The following MACROD2 variants were observed in gnomAD, a reference collection of about 807,000 sequenced individuals.
MACROD2 encodes the protein ADP-ribose glycohydrolase MACROD2.
MACROD2 carries 36 observed loss-of-function variants against 70.4 expected under a neutral mutation model. That is an observed-to-expected ratio of 0.51 (90% confidence interval 0.39 to 0.68). MACROD2 has a LOEUF of 0.68. Among genes scored for constraint, MACROD2 ranks in the 30% least tolerant of loss-of-function variants. The pLI is 0.00. For synonymous variants in MACROD2, 172 were observed against 178.8 expected (o/e 0.96, Z 0.30); for missense variants, 496 against 538.4 (o/e 0.92, Z 0.78).
intron 8 of MACROD2, among the ~76,000 whole-genome samples, chr20:15,587,019 A>T (rs2048612172): frequency 6.6e-6 from 1 of 152,184 alleles, no homozygotes; most frequent in East Asian, 1.9e-4. Context: ...TAAGAAATAA[A>T]TTCAATATAA....
intron 3 of MACROD2, among the ~76,000 whole-genome samples, chr20:14,223,484 A>C (rs1191920135): frequency 6.7e-6 from 1 of 149,404 alleles, no homozygotes; most frequent in African/African-American, 2.5e-5. Context: ...TGTGTGAAAT[A>C]GGGAAGCAGC....
In MACROD2 at chr20:14,690,892, C is replaced by A. The variant is rs1021519666; in HGVS notation, c.418+5933C>A. On this transcript the variant is annotated intron_variant, in intron 5 of 17. Transcript: ENST00000684519. ...TGGAAAAAGTTTGCCAGCCCCTGGT[C>A]TGTGGCAATCTGCACTTTTATTTTT... Among the ~76,000 whole-genome samples the A allele has an allele frequency of 1.2e-3, 188 of 152,180 alleles. 6 individuals are homozygous for A. Among genetic ancestry groups the A allele is most frequent in the Admixed American group, 0.012 (185 of 15,274 alleles).
intron 8 of MACROD2, among the ~76,000 whole-genome samples, chr20:15,821,556 T>C (rs1202937233): frequency 6.6e-6 from 1 of 152,196 alleles, no homozygotes; most frequent in Non-Finnish European, 1.5e-5. Flanking sequence ...TATACTTGCA[T>C]GTACAGTCAA....
intron 8 of MACROD2, among the ~76,000 whole-genome samples, chr20:15,507,545 GC>G (rs1212191072): frequency 6.9e-6 from 1 of 145,912 alleles, no homozygotes; most frequent in Non-Finnish European, 1.5e-5. Flanking sequence ...CCCCCCACCA[GC>G]CCGCCCCAGC....
chr20:15,972,792 C>A (rs1220960296), intron 13 of MACROD2, among the ~76,000 whole-genome samples: 1 of 151,248 alleles, frequency 6.6e-6, no homozygotes, highest in Non-Finnish European at 1.5e-5. Flanking sequence ...GCACTCCAGC[C>A]TGAGTGACAG....
intron 8 of MACROD2, among the ~76,000 whole-genome samples, chr20:15,695,827 G>C (rs1219125092): frequency 6.6e-6 from 1 of 151,870 alleles, no homozygotes; most frequent in Admixed American, 6.6e-5. Flanking sequence ...TTGAGTTCTT[G>C]ATTTGATTCT....
chr20:14,904,623 T>A (rs2122564892), intron 5 of MACROD2, among the ~76,000 whole-genome samples: 1 of 152,296 alleles, frequency 6.6e-6, no homozygotes, highest in South Asian at 2.1e-4. Flanking sequence ...TGGAATCATC[T>A]GTTTTCAGAT....
Position 15,929,754 on chromosome 20 carries a change from C to A in MACROD2, c.776-3522C>A, listed in dbSNP as rs114876547. 2.6e-5 allele frequency among the ~76,000 whole-genome samples: 4 copies of A among 152,298 alleles called. No homozygotes were observed. In the East Asian group the frequency reaches 7.7e-4, roughly 29 times the overall value. ...TGAGATTTTGCCCTTACAAAACTCT[C>A]CCATGTAGAGTCAAACATGGACTGC... On this transcript the variant is annotated intron_variant, in intron 10 of 17. Coordinates refer to ENST00000684519, the MANE Select transcript of MACROD2 (RefSeq NM_001351661.2).
intron 5 of MACROD2, among the ~76,000 whole-genome samples, chr20:14,705,491 C>A (rs930370307): frequency 8.5e-5 from 13 of 152,116 alleles, no homozygotes; most frequent in Non-Finnish European, 1.8e-4. Context: ...GCCATCTCTT[C>A]TTGGATTTCT....
At chr20:14,262,349 G>A (rs2082107871) in intron 3 of MACROD2, among the ~76,000 whole-genome samples, 1 of 152,196 alleles carries the variant, frequency 6.6e-6, no homozygotes, top group Admixed American at 6.5e-5. Flanking sequence ...GGTTTCTTCT[G>A]ATTTGGGTGT....
intron 3 of MACROD2, among the ~76,000 whole-genome samples, chr20:14,406,605 C>A (rs1034620144): frequency 7.9e-5 from 12 of 152,110 alleles, no homozygotes; most frequent in Non-Finnish European, 1.5e-4. Context: ...AGCTATCTTG[C>A]CCTTATCTTT....
intron 2 of MACROD2, among the ~76,000 whole-genome samples, chr20:14,061,359 G>T (rs2053688647): frequency 6.6e-6 from 1 of 152,076 alleles, no homozygotes; most frequent in Non-Finnish European, 1.5e-5. Flanking sequence ...CAGTATTTTG[G>T]CAGGATAACA....
chr20:14,368,653 G>A (rs534969052), intron 3 of MACROD2, among the ~76,000 whole-genome samples: 10 of 151,922 alleles, frequency 6.6e-5, no homozygotes, highest in Non-Finnish European at 1.5e-4. Context: ...CCTTGCTATA[G>A]CATGTAGCTA....
chr20:15,349,069 G>C (rs973915407), intron 6 of MACROD2, among the ~76,000 whole-genome samples: 4 of 151,964 alleles, frequency 2.6e-5, no homozygotes, highest in Non-Finnish European at 5.9e-5. Flanking sequence ...GAAGCATTAG[G>C]CTCTGGAGAA....
At chr20:15,772,101 A>AATATAT (rs201468504) in intron 8 of MACROD2, among the ~76,000 whole-genome samples, 104 of 91,356 alleles carry the variant, frequency 1.1e-3, no homozygotes, top group South Asian at 2.4e-3. Flanking sequence ...AAAAAAAAAA[A>AATATAT]ATATATATAT....
At chr20:14,013,273 C>CTTTTTTTTTT (rs770856375) in intron 2 of MACROD2, among the ~76,000 whole-genome samples, 1 of 128,720 alleles carries the variant, frequency 7.8e-6, no homozygotes. Flanking sequence ...ACTGTACTTT[C>CTTTTTTTTTT]TTTTTTTTTT....
intron 4 of MACROD2, among the ~76,000 whole-genome samples, chr20:14,540,140 G>C (rs2085413457): frequency 6.6e-6 from 1 of 152,114 alleles, no homozygotes; most frequent in Admixed American, 6.6e-5. Flanking sequence ...TTTATAAAGA[G>C]TCCCAATTTA....
At chr20:14,633,564 A>G (rs1364254928) in intron 4 of MACROD2, among the ~76,000 whole-genome samples, 1 of 148,532 alleles carries the variant, frequency 6.7e-6, no homozygotes, top group Non-Finnish European at 1.5e-5. Flanking sequence ...ACTAAATTCA[A>G]ATAAACTTAA....
intron 3 of MACROD2, among the ~76,000 whole-genome samples, chr20:14,089,693 A>G (rs774143792): frequency 9.2e-5 from 14 of 152,186 alleles, no homozygotes; most frequent in Non-Finnish European, 1.8e-4. Context: ...CAGTAGCACA[A>G]GTTTAGAGTT....
Sources: allele counts gnomAD v4.1 joint callset (sites outside exome capture counted in the v4.1 genomes callset), GRCh38; gene constraint gnomAD v4.1.1; transcripts MANE v1.5; gene names NCBI Gene and HGNC (gene_info 2026-07-23, HGNC 2026-07-21).